The following DNAH3 variants were observed in gnomAD, a reference collection of about 807,000 sequenced individuals.
DNAH3 encodes dynein axonemal heavy chain 3.
A neutral mutation model predicts 432.5 loss-of-function variants in DNAH3; 332 were observed. The observed-to-expected ratio is 0.77, with a 90% CI of 0.70 to 0.84. The LOEUF (loss-of-function observed/expected upper bound fraction) is 0.84, where lower values mean the gene tolerates loss of function less well. DNAH3 is among the 40% of genes least tolerant of loss of function. The pLI is 0.00. For synonymous variants in DNAH3, 1,956 were observed against 1,900.2 expected (o/e 1.03, Z -0.76); for missense variants, 4,861 against 5,114.0 (o/e 0.95, Z 1.51).
At chr16:21,035,106 C>CACTTCCACCCAAGGGGATGGAGGAATA (rs2089098204) in intron 35 of DNAH3, among the ~76,000 whole-genome samples, 1 of 152,114 alleles carries the variant, frequency 6.6e-6, no homozygotes, top group African/African-American at 2.4e-5. Flanking sequence ...GTGGGGGGAT[C>CACTTCCACCCAAGGGGATGGAGGAATA]ATTTGAGGTC....
Position 21,037,861 on chromosome 16 carries a change from T to G in DNAH3, c.4850A>C (p.Lys1617Thr), listed in dbSNP as rs1245795266. ...TTCATTCTCCTCTGGATACTTGAGC[T>G]TCAGGTTTCCTGCGGCAGTAAGCAC... Residue 1617 changes from lysine (K) to threonine (T), a missense_variant, in exon 34 of 62, where the codon AAG (lysine) becomes ACG (threonine). Coordinates refer to ENST00000261383, the Ensembl canonical transcript of DNAH3. 1.9e-6 allele frequency: 3 copies of G among 1,614,214 alleles called. No homozygotes were observed. Among genetic ancestry groups the G allele is most frequent in the Admixed American group, 3.3e-5 (2 of 60,032 alleles).
In DNAH3 at chr16:21,006,645, T is replaced by C. The variant is rs148510419; in HGVS notation, c.6023-3438A>G. On this transcript the variant is annotated intron_variant, in intron 41 of 61. Coordinates refer to ENST00000261383, the Ensembl canonical transcript of DNAH3. ...CCTATATAAAGGGAATCATATAATA[T>C]GTGTTCTTTTGCGACTGGCTTCTTT... Among the ~76,000 whole-genome samples the C allele has an allele frequency of 2.1e-3, 325 of 152,296 alleles. 1 individual carries two copies. Among genetic ancestry groups the C allele is most frequent in the African/African-American group, 7.6e-3 (314 of 41,566 alleles).
intron 7 of DNAH3, 142 bp from the exon 9 acceptor site, chr16:21,127,954 C>A: frequency 9.4e-7 from 1 of 1,059,708 alleles, no homozygotes. Context: ...GGGAAAGATG[C>A]TGAGGAGGAT....
chr16:21,048,627 C>T (rs963230965), intron 31 of DNAH3, among the ~76,000 whole-genome samples: 38 of 152,188 alleles, frequency 2.5e-4, no homozygotes, highest in African/African-American at 8.0e-4. Context: ...ATGCAGAAAT[C>T]ACCCGTCTTC....
intron 36 of DNAH3, among the ~76,000 whole-genome samples, chr16:21,032,479 T>C (rs16970821): frequency 0.089 from 13,503 of 151,926 alleles, 852 homozygotes; most frequent in South Asian, 0.2. Context: ...TCCTTCAAAG[T>C]AGGGAAAAGT....
At chr16:21,106,722 TCAC>T in intron 14 of DNAH3, 48 bp from the exon 15 acceptor site, 1 of 1,356,798 alleles carries the variant, frequency 7.4e-7, no homozygotes, top group Non-Finnish European at 9.8e-7. Context: ...ATCACCATCA[TCAC>T]CATCTAAAAT....
intron 50 of DNAH3, among the ~76,000 whole-genome samples, chr16:20,977,530 A>T (rs528477992): frequency 6.6e-6 from 1 of 152,182 alleles, no homozygotes; most frequent in Non-Finnish European, 1.5e-5. Flanking sequence ...ATTTGGAGAC[A>T]GTTTTCATGA....
rs536173444 is a variant in DNAH3 at position 21,059,834 on chromosome 16, G to T, written c.3813+430C>A. Among the ~76,000 whole-genome samples, 93 of 151,970 alleles carry T rather than the reference G, an allele frequency of 6.1e-4. No homozygotes were observed. The South Asian group carries it at 0.019, about 31-fold the overall frequency. On this transcript the variant is annotated intron_variant, in intron 26 of 61. Coordinates refer to ENST00000261383, the Ensembl canonical transcript of DNAH3. ...TCGCTCAACGTGAATGTGACTACAG[G>T]CTGGGTACCAAGTTATTCTGATAGA...
At chr16:21,058,912 G>A (rs1263810215) in intron 26 of DNAH3, among the ~76,000 whole-genome samples, 2 of 147,664 alleles carry the variant, frequency 1.4e-5, no homozygotes, top group African/African-American at 5.0e-5. Context: ...CTATACGATG[G>A]GTTGATAGGT....
At chr16:21,152,619 G>A (rs895188108) in intron 1 of DNAH3, among the ~76,000 whole-genome samples, 3 of 152,256 alleles carry the variant, frequency 2.0e-5, no homozygotes, top group Non-Finnish European at 2.9e-5. Flanking sequence ...GCGGGAACCC[G>A]GGCTGCGCAC....
intron 14 of DNAH3, among the ~76,000 whole-genome samples, chr16:21,109,113 ACT>A (rs1271460412): frequency 6.8e-6 from 1 of 147,838 alleles, no homozygotes; most frequent in Non-Finnish European, 1.5e-5. Flanking sequence ...ACAGAGCGAG[ACT>A]CTGTCTCAAA....
exon 6 of DNAH3, chr16:21,136,336 T>A (rs757189374): frequency 3.1e-6 from 5 of 1,613,746 alleles, no homozygotes; most frequent in Middle Eastern, 1.6e-4. Flanking sequence ...ATGCTTTTCA[T>A]GAGGCTACAG....
At chr16:20,960,041 C>T (rs1338895747) in intron 53 of DNAH3, among the ~76,000 whole-genome samples, 1 of 151,142 alleles carries the variant, frequency 6.6e-6, no homozygotes, top group Non-Finnish European at 1.5e-5. Flanking sequence ...TCAGTGGTAG[C>T]CAATGTGATT....
chr16:21,114,946 T>A (rs145023892), intron 12 of DNAH3, among the ~76,000 whole-genome samples: 5,523 of 152,276 alleles, frequency 0.036, 346 homozygotes, highest in African/African-American at 0.12. Flanking sequence ...TGCACACGTA[T>A]GTTTATTGTG....
intron 31 of DNAH3, among the ~76,000 whole-genome samples, chr16:21,043,942 T>C (rs2089572593): frequency 1.0e-5 from 1 of 96,240 alleles, no homozygotes; most frequent in Non-Finnish European, 2.0e-5. Flanking sequence ...CCTTTCCCCA[T>C]TGCTTGTTTT....
intron 57 of DNAH3, among the ~76,000 whole-genome samples, chr16:20,945,833 A>T (rs1156657605): frequency 6.6e-6 from 1 of 151,108 alleles, no homozygotes; most frequent in Non-Finnish European, 1.5e-5. Context: ...TACTCTATAG[A>T]CTCGCCCCGA....
intron 45 of DNAH3, 25 bp from the exon 46 acceptor site, chr16:20,987,874 T>C (rs1322152725): frequency 1.9e-6 from 3 of 1,614,038 alleles, no homozygotes; most frequent in South Asian, 1.1e-5. Context: ...GATGGCACAG[T>C]AGTCAAGGAG....
chr16:21,054,567 C>CATTTG, intron 27 of DNAH3, 33 bp from the exon 28 acceptor site: 1 of 1,500,348 alleles, frequency 6.7e-7, no homozygotes, highest in South Asian at 1.1e-5. Flanking sequence ...CAACTGGTTA[C>CATTTG]ATTTGACTCT....
chr16:21,081,177 C>A (rs867652216), intron 20 of DNAH3, among the ~76,000 whole-genome samples: 5 of 152,066 alleles, frequency 3.3e-5, no homozygotes, highest in Admixed American at 6.6e-5. Context: ...CCTCGGCCCC[C>A]CAGAGTGCTG....
Sources: allele counts gnomAD v4.1 joint callset (sites outside exome capture counted in the v4.1 genomes callset), GRCh38; gene constraint gnomAD v4.1.1; transcripts MANE v1.5; gene names NCBI Gene and HGNC (gene_info 2026-07-23, HGNC 2026-07-21).